Variants in ZNF570 observed in about 807,000 individuals in gnomAD.
ZNF570 encodes the protein zinc finger protein 570.
Under a neutral mutation model 14.2 loss-of-function variants are expected in ZNF570, and 8 were observed. That is an observed-to-expected ratio of 0.56 (90% CI 0.33 to 1.02). ZNF570 has a LOEUF of 1.02. Ranked by LOEUF, ZNF570 falls within the 50% of genes least tolerant of loss-of-function variation. The pLI is 0.03. For missense variants in ZNF570, 559 were observed against 624.9 expected (o/e 0.89, Z 1.12); for synonymous variants, 202 against 207.6 (o/e 0.97, Z 0.23).
intron 2 of ZNF570, among the ~76,000 whole-genome samples, chr19:37,472,042 G>A (rs2041971578): frequency 6.6e-6 from 1 of 151,022 alleles, no homozygotes; most frequent in South Asian, 2.1e-4. Context: ...TCAGCCTCCT[G>A]AGTACAGGCA....
At chr19:37,468,034 T>A (rs2041878151), upstream of ZNF570, 1 of 1,082,674 alleles carries the variant, frequency 9.2e-7, no homozygotes. Context: ...AGCTGTGTCA[T>A]CTCAGACTAG....
At chr19:37,483,392 G>A (rs934966700) in intron 4 of ZNF570, among the ~76,000 whole-genome samples, 4 of 152,102 alleles carry the variant, frequency 2.6e-5, no homozygotes, top group South Asian at 2.1e-4. Context: ...TCTGAAGCAC[G>A]TAGTATCTTC....
upstream of ZNF570, chr19:37,467,963 G>T: frequency 6.5e-7 from 1 of 1,535,742 alleles, no homozygotes; most frequent in South Asian, 1.2e-5. Context: ...CATGACCCGG[G>T]ATCGTGAGCG....
chr19:37,484,100 G>A lies in ZNF570; in HGVS notation c.478G>A (p.Glu160Lys). 1.2e-6 allele frequency: 2 copies of A among 1,614,012 alleles called. No individual in the cohort carries two copies. The highest frequency in any genetic ancestry group is 1.7e-6 in the Non-Finnish European group (2 of 1,179,994). Reference protein sequence around the residue: ...IITHEEPLFDEREQEYKSWGS... With the variant: ...IITHEEPLFDKREQEYKSWGS... ...CACTCATGAAGAACCCCTTTTTGAT[G>A]AGAGAGAACAAGAATATAAATCTTG... The change falls in exon 5 of 5, where the codon GAG becomes AAG. Residue 160 changes from glutamate (E) to lysine (K), a missense_variant. By Grantham distance (56) the Glu-to-Lys change is moderately conservative. Transcript: ENST00000330173.
chr19:37,472,165 A>G lies in ZNF570; in HGVS notation c.33+1778A>G, dbSNP rs559426296. 1.5e-3 allele frequency among the ~76,000 whole-genome samples: 231 copies of G among 152,186 alleles called. 3 individuals are homozygous for G. The highest frequency in any genetic ancestry group is 5.3e-3 in the African/African-American group (220 of 41,514). ...TGTGATCCGCCTGCCTCGGCCTACC[A>G]AAGGCTGGGATTACAGGCATGAGCC... On this transcript the variant is annotated intron_variant, in intron 2 of 4. Transcript: ENST00000330173.
At position 37,484,228 on chromosome 19, in the gene ZNF570, T is replaced by G; in HGVS notation, c.606T>G (p.Asn202Lys). The G allele has an allele frequency of 6.2e-7, 1 of 1,613,864 alleles. No homozygotes were observed. Among genetic ancestry groups the G allele is most frequent in the Non-Finnish European group, 8.5e-7 (1 of 1,179,984 alleles). The change falls in exon 5 of 5, where the codon AAT becomes AAG. Residue 202 changes from asparagine (N) to lysine (K), a missense_variant. Coordinates refer to ENST00000330173, the MANE Select transcript of ZNF570 (RefSeq NM_144694.5). ...HDTQKRSFKKNLMAIKPKSVC... is the reference protein window; with the variant it reads ...HDTQKRSFKKKLMAIKPKSVC... Reference sequence around the variant, plus strand: ...CACAAAAGAGAAGCTTTAAAAAAAATTTAATGGCTATTAAGCCCAAGAGTG... The same window carrying G: ...CACAAAAGAGAAGCTTTAAAAAAAAGTTAATGGCTATTAAGCCCAAGAGTG...
Position 37,484,724 on chromosome 19 carries a change from A to C in ZNF570, c.1102A>C (p.Ser368Arg). 1.2e-6 allele frequency: 2 copies of C among 1,614,184 alleles called. No homozygotes were observed. The highest frequency in any genetic ancestry group is 1.1e-5 in the South Asian group (1 of 91,088). ...YECNVCGKAFSLRAYLTVHQR... is the reference protein window; with the variant it reads ...YECNVCGKAFRLRAYLTVHQR... ...ATGTAATGTCTGTGGGAAAGCATTTAGCCTTCGTGCATACCTTACTGTACA... is the reference window on the plus strand; with the variant it reads ...ATGTAATGTCTGTGGGAAAGCATTTCGCCTTCGTGCATACCTTACTGTACA... Residue 368 changes from serine to arginine, a missense_variant, in exon 5 of 5, where the codon AGC becomes CGC. Coordinates refer to ENST00000330173, the MANE Select transcript of ZNF570 (RefSeq NM_144694.5).
At position 37,474,592 on chromosome 19, in the gene ZNF570, G is replaced by A. The variant is rs1307732963; in HGVS notation, c.34-1289G>A. 4.0e-5 allele frequency among the ~76,000 whole-genome samples: 6 copies of A among 151,540 alleles called. No individual in the cohort carries two copies. In the South Asian group the frequency reaches 6.3e-4, roughly 16 times the overall value. On this transcript the variant is annotated intron_variant, in intron 2 of 4. Coordinates refer to ENST00000330173, the MANE Select transcript of ZNF570 (RefSeq NM_144694.5). ...CTCCTGCCTCAGCCTCCTGAGTACC[G>A]GGGATTATAGGTGCGCACCACTATG...
Position 37,487,410 on chromosome 19 carries a change from G to A in ZNF570, c.*2177G>A, listed in dbSNP as rs2042167899. 6.6e-6 allele frequency: 1 copy of A among 152,102 alleles called. No homozygotes were observed. The highest frequency in any genetic ancestry group is 2.1e-4 in the South Asian group (1 of 4,832). 9.4% of individuals were successfully genotyped at this position (152,102 alleles called of 1,614,324 possible). ...CACAAATAATATAGGCATTCATTCT[G>A]TTAATATTGAGTAATTACTGTTTGT... On this transcript the variant is annotated 3_prime_UTR_variant, in exon 5 of 5. Coordinates refer to ENST00000330173, the MANE Select transcript of ZNF570 (RefSeq NM_144694.5).
At chr19:37,468,947 T>C, upstream of ZNF570, 2 of 687,048 alleles carry the variant, frequency 2.9e-6, no homozygotes, top group Non-Finnish European at 3.6e-6. Context: ...CCATTTTGAG[T>C]AGACGCGCCA....
chr19:37,471,824 T>A (rs1386749546), intron 2 of ZNF570, among the ~76,000 whole-genome samples: 4 of 152,108 alleles, frequency 2.6e-5, no homozygotes, highest in Non-Finnish European at 5.9e-5. Context: ...ACTAGGAAAC[T>A]CTTAACGTAC....
chr19:37,482,279 A>T (rs367554831), intron 4 of ZNF570, among the ~76,000 whole-genome samples: 149 of 152,300 alleles, frequency 9.8e-4, no homozygotes, highest in African/African-American at 2.2e-3. Context: ...GAGACTGGGT[A>T]ATTTCTACGA....
Position 37,469,507 on chromosome 19 carries a change from G to A in ZNF570, c.-102G>A. On this transcript the variant is annotated 5_prime_UTR_variant, in exon 1 of 5. Transcript: ENST00000330173. ...GAGTGGGCTGAGGAGTGGCGTGTGGGTCTCCGGAAGCTCGTCGCAGGCCAT... is the reference window on the plus strand; with the variant it reads ...GAGTGGGCTGAGGAGTGGCGTGTGGATCTCCGGAAGCTCGTCGCAGGCCAT... 1 of 1,536,306 alleles carries A rather than the reference G, an allele frequency of 6.5e-7. No homozygotes were observed. The highest frequency in any genetic ancestry group is 1.2e-5 in the South Asian group (1 of 84,050).
At chr19:37,468,103 G>A (rs879565181), upstream of ZNF570, 1 of 596,020 alleles carries the variant, frequency 1.7e-6, no homozygotes, top group Admixed American at 3.4e-5. Context: ...TGTTTTTTTT[G>A]AGGCAGAGCC....
In ZNF570 at chr19:37,485,076, T is replaced by C; in HGVS notation, c.1454T>C (p.Leu485Pro). 1 of 1,613,998 alleles carries C rather than the reference T, an allele frequency of 6.2e-7. No homozygotes were observed. Among genetic ancestry groups the C allele is most frequent in the African/African-American group, 1.3e-5 (1 of 74,976 alleles). ...AAGGCTTTTAGTTACTGTGGATCCC[T>C]TGCCCAACATCAGAGAATTCATACT... The part of the protein sequence containing the change: ...CGKAFSYCGS[L>P]AQHQRIHTGE... Residue 485 changes from leucine to proline, a missense_variant, in exon 5 of 5, where the codon CTT (leucine) becomes CCT (proline). Coordinates refer to ENST00000330173, the MANE Select transcript of ZNF570 (RefSeq NM_144694.5).
chr19:37,483,906 A>G lies in ZNF570; in HGVS notation c.284A>G (p.Glu95Gly). Residue 95 changes from glutamate (E) to glycine (G), a missense_variant, in exon 5 of 5, where the codon GAA becomes GGA. Transcript: ENST00000330173. ...TGGGAGCCTATATGTGAGACTGAAG[A>G]ATTAACCCCAAAGCAGGATTTTTAT... The part of the protein sequence containing the change: ...SGWEPICETE[E>G]LTPKQDFYEE... 1 of 1,611,754 alleles carries G rather than the reference A, an allele frequency of 6.2e-7. No individual in the cohort carries two copies. The highest frequency in any genetic ancestry group is 8.5e-7 in the Non-Finnish European group (1 of 1,179,172).
At chr19:37,479,560 G>A (rs2042063202) in intron 4 of ZNF570, among the ~76,000 whole-genome samples, 2 of 152,060 alleles carry the variant, frequency 1.3e-5, no homozygotes, top group South Asian at 4.1e-4. Context: ...TAAAAAAAAT[G>A]TCTTTGAGCC....
rs1368191997 is a variant in ZNF570 at position 37,470,201 on chromosome 19, G to A, written c.-51-103G>A. ...CTCCATTATGCTCTCTCTATTGGAG[G>A]GAAGGTTGCAAGAGGAGGAAAGAGA... On this transcript the variant is annotated intron_variant, in intron 1 of 4. Transcript: ENST00000330173. 7 of 1,004,762 alleles carry A rather than the reference G, an allele frequency of 7.0e-6. No individual in the cohort carries two copies. In the East Asian group the frequency reaches 1.5e-4, roughly 21 times the overall value. 62.2% of individuals were successfully genotyped at this position (1,004,762 alleles called of 1,614,324 possible). A position where few individuals can be genotyped will look rare whatever the true frequency, so the allele number is the denominator to read the frequency against.
At chr19:37,470,216 G>A (rs554753488) in intron 1 of ZNF570, 88 bp from the exon 2 acceptor site, 187 of 1,236,064 alleles carry the variant, frequency 1.5e-4, no homozygotes, top group Middle Eastern at 3.8e-4. Context: ...GTTGCAAGAG[G>A]AGGAAAGAGA....
Sources: gnomAD v4.1 joint callset for allele counts (sites outside exome capture counted in the v4.1 genomes callset) on GRCh38, gnomAD v4.1.1 for gene constraint, MANE v1.5 for transcripts, NCBI Gene and HGNC (gene_info 2026-07-23, HGNC 2026-07-21) for gene names.